CALCRL: variants seen among roughly 807,000 people sequenced by gnomAD.
CALCRL encodes the protein calcitonin gene-related peptide type 1 receptor.
Under a neutral mutation model 60.4 loss-of-function variants are expected in CALCRL, and 27 were observed. That is an observed-to-expected ratio of 0.45 (90% CI 0.33 to 0.62). CALCRL has a LOEUF of 0.62. Among genes scored for constraint, CALCRL ranks in the 20% least tolerant of loss-of-function variants. CALCRL has a pLI of 0.03. For missense variants in CALCRL, 424 were observed against 540.7 expected (o/e 0.78, Z 2.14); for synonymous variants, 190 against 182.6 (o/e 1.04, Z -0.33).
intron 14 of CALCRL, among the ~76,000 whole-genome samples, chr2:187,351,383 A>T (rs1337059088): frequency 6.6e-6 from 1 of 151,858 alleles, no homozygotes; most frequent in Non-Finnish European, 1.5e-5. Flanking sequence ...ACTGAAGAGT[A>T]CATGGTCATG....
chr2:187,387,625 T>C, intron 2 of CALCRL, 41 bp downstream of exon 2: 1 of 394,438 alleles, frequency 2.5e-6, no homozygotes, highest in East Asian at 3.6e-5. Context: ...TTAGTTTTTA[T>C]TAAATTTTAC....
At position 187,359,059 on chromosome 2, in the gene CALCRL, A is replaced by G; in HGVS notation, c.909+4T>C. Reference sequence around the variant, plus strand: ...TGATAAGGAAAGGAGAATTTGTTACATACCAGTAAAGCAGCACAAATTGGG... The same window carrying G: ...TGATAAGGAAAGGAGAATTTGTTACGTACCAGTAAAGCAGCACAAATTGGG... On this transcript the variant is annotated splice_donor_region_variant and intron_variant, in intron 12 of 14. Coordinates refer to ENST00000392370, the MANE Select transcript of CALCRL (RefSeq NM_005795.6). 6.2e-7 allele frequency: 1 copy of G among 1,607,338 alleles called. No individual in the cohort carries two copies. The highest frequency in any genetic ancestry group is 8.5e-7 in the Non-Finnish European group (1 of 1,173,874).
chr2:187,404,855 A>G (rs1455728724), intron 1 of CALCRL, among the ~76,000 whole-genome samples: 1 of 151,954 alleles, frequency 6.6e-6, no homozygotes, highest in Non-Finnish European at 1.5e-5. Flanking sequence ...ACAGCAGATA[A>G]CAACAATGAA....
At chr2:187,354,455 A>C (rs538858052) in intron 12 of CALCRL, among the ~76,000 whole-genome samples, 34 of 152,106 alleles carry the variant, frequency 2.2e-4, no homozygotes, top group African/African-American at 7.7e-4. Flanking sequence ...CACCCTGCTC[A>C]CATGGAAATG....
chr2:187,379,866 A>G (rs1397188996), intron 7 of CALCRL, among the ~76,000 whole-genome samples: 7 of 152,210 alleles, frequency 4.6e-5, no homozygotes, highest in Non-Finnish European at 7.3e-5. Flanking sequence ...TAGAAATAAG[A>G]AATCAGGTTT....
chr2:187,385,128 G>T (rs1688152580), intron 4 of CALCRL, among the ~76,000 whole-genome samples: 1 of 152,120 alleles, frequency 6.6e-6, no homozygotes, highest in South Asian at 2.1e-4. Flanking sequence ...GTTCTAAATT[G>T]CCTTGCAATC....
intron 3 of CALCRL, 149 bp from the exon 4 acceptor site, chr2:187,385,780 C>G (rs1464596486): frequency 3.5e-6 from 2 of 576,416 alleles, no homozygotes; most frequent in African/African-American, 1.9e-5. Flanking sequence ...AAGACAAGGT[C>G]TCACTCTGTC....
At chr2:187,354,227 C>G (rs1419426068) in intron 12 of CALCRL, among the ~76,000 whole-genome samples, 2 of 151,964 alleles carry the variant, frequency 1.3e-5, no homozygotes, top group African/African-American at 4.8e-5. Context: ...GTAGGCCCAT[C>G]AGGCTATTTT....
At chr2:187,393,565 G>A (rs1688536888) in intron 1 of CALCRL, among the ~76,000 whole-genome samples, 1 of 151,992 alleles carries the variant, frequency 6.6e-6, no homozygotes, top group Non-Finnish European at 1.5e-5. Context: ...GAGATTGTGA[G>A]CACAGTAAGA....
intron 8 of CALCRL, among the ~76,000 whole-genome samples, chr2:187,371,502 C>T (rs985841927): frequency 4.6e-5 from 7 of 151,834 alleles, no homozygotes; most frequent in Non-Finnish European, 1.0e-4. Context: ...AAATGAAAAG[C>T]GAAAGTTCCA....
intron 1 of CALCRL, chr2:187,441,941 G>A (rs542466512): frequency 1.3e-5 from 2 of 151,502 alleles, no homozygotes; most frequent in African/African-American, 4.8e-5. Flanking sequence ...TTTTCCTAAC[G>A]CCCTGCAACT....
intron 8 of CALCRL, among the ~76,000 whole-genome samples, chr2:187,377,184 T>C (rs2105772079): frequency 6.6e-6 from 1 of 152,256 alleles, no homozygotes; most frequent in East Asian, 1.9e-4. Flanking sequence ...ATCAGGTCAA[T>C]ATTTGATCTA....
At chr2:187,417,770 A>G (rs559681522) in intron 1 of CALCRL, among the ~76,000 whole-genome samples, 1 of 152,302 alleles carries the variant, frequency 6.6e-6, no homozygotes, top group Admixed American at 6.5e-5. Context: ...AAATATTTTT[A>G]TATTGAAATA....
At chr2:187,420,600 A>T (rs929175312) in intron 1 of CALCRL, among the ~76,000 whole-genome samples, 1 of 152,164 alleles carries the variant, frequency 6.6e-6, no homozygotes, top group Non-Finnish European at 1.5e-5. Context: ...AATTGATGGT[A>T]AATATTATAA....
At chr2:187,435,789 TTTA>T (rs1323013156) in intron 1 of CALCRL, among the ~76,000 whole-genome samples, 4 of 152,052 alleles carry the variant, frequency 2.6e-5, no homozygotes, top group Admixed American at 1.3e-4. Flanking sequence ...TGATTTCAAG[TTTA>T]TTATTATATA....
At chr2:187,352,555 T>G (rs1686580790) in intron 12 of CALCRL, among the ~76,000 whole-genome samples, 1 of 151,856 alleles carries the variant, frequency 6.6e-6, no homozygotes, top group Non-Finnish European at 1.5e-5. Flanking sequence ...AAAGTAAAAT[T>G]AAATTATGGT....
chr2:187,353,108 T>A (rs1365702336), intron 12 of CALCRL, among the ~76,000 whole-genome samples: 2 of 151,924 alleles, frequency 1.3e-5, no homozygotes, highest in Non-Finnish European at 2.9e-5. Context: ...GAAACATATT[T>A]ATTTCTCTTT....
intron 9 of CALCRL, among the ~76,000 whole-genome samples, chr2:187,361,031 TTTG>T (rs1413213706): frequency 1.3e-5 from 2 of 152,088 alleles, no homozygotes; most frequent in Non-Finnish European, 2.9e-5. Context: ...TGAATGTGTT[TTTG>T]TTGTTATGTA....
intron 1 of CALCRL, among the ~76,000 whole-genome samples, chr2:187,440,175 A>T (rs561412068): frequency 2.6e-5 from 4 of 152,182 alleles, no homozygotes; most frequent in African/African-American, 9.6e-5. Flanking sequence ...GTAGTAACTG[A>T]TGTCCATATG....
Sources: allele counts gnomAD v4.1 joint callset (sites outside exome capture counted in the v4.1 genomes callset), GRCh38; gene constraint gnomAD v4.1.1; transcripts MANE v1.5; gene names NCBI Gene and HGNC (gene_info 2026-07-23, HGNC 2026-07-21).